RUFY3: variants seen among roughly 807,000 people sequenced by gnomAD.
RUFY3 encodes protein RUFY3.
In RUFY3, 34 loss-of-function variants were observed where a neutral mutation model predicts 84.0. The observed-to-expected ratio is 0.40, with a 90% CI of 0.31 to 0.54. The LOEUF is 0.54. RUFY3 is among the 20% of genes least tolerant of loss of function. The pLI, the probability that RUFY3 is intolerant of heterozygous loss-of-function variation, is 0.39. For missense variants in RUFY3, 507 were observed against 736.8 expected, an observed-to-expected ratio of 0.69 and a Z score of 3.61; for synonymous variants, 242 against 252.9, an observed-to-expected ratio of 0.96 and a Z score of 0.41.
Position 70,793,822 on chromosome 4 carries a change from T to TCAAA in RUFY3, c.1375_1376insCAAA (p.Leu459SerfsTer33). 4 of 1,614,112 alleles carry TCAAA rather than the reference T, an allele frequency of 2.5e-6. No homozygotes were observed. The highest frequency in any genetic ancestry group is 1.7e-6 in the Non-Finnish European group (2 of 1,180,010). ...TGAGCGAAGCCGCCAATCTGCTGAG[T>TCAAA]TGGACAACCGGCTCTTCAAACAGGA... On this transcript the variant is annotated frameshift_variant, in exon 13 of 18. Coordinates refer to ENST00000381006, the MANE Select transcript of RUFY3 (RefSeq NM_001037442.4). LOFTEE classifies it high-confidence loss of function.
At chr4:70,705,182 G>A (rs1250936240) in exon 1 of RUFY3, 5 of 1,461,750 alleles carry the variant, frequency 3.4e-6, no homozygotes, top group African/African-American at 1.5e-5. Flanking sequence ...TGCGCCCGCC[G>A]CCGCAGCAGC....
At chr4:70,731,851 G>A (rs12499200) in intron 1 of RUFY3, among the ~76,000 whole-genome samples, 4,629 of 152,312 alleles carry the variant, frequency 0.03, 263 homozygotes, top group Admixed American at 0.15. Context: ...ACAGGCATGA[G>A]CCACCGCACT....
chr4:70,760,603 A>C (rs1047699901), intron 1 of RUFY3, among the ~76,000 whole-genome samples: 2 of 152,086 alleles, frequency 1.3e-5, no homozygotes, highest in Non-Finnish European at 2.9e-5. Context: ...TAGAATGTAC[A>C]TACATGCTGG....
chr4:70,745,543 G>T (rs1722060310), intron 1 of RUFY3, among the ~76,000 whole-genome samples: 1 of 152,082 alleles, frequency 6.6e-6, no homozygotes, highest in Non-Finnish European at 1.5e-5. Context: ...TTGTAAATTT[G>T]CAGTGGCCCA....
intron 4 of RUFY3, among the ~76,000 whole-genome samples, chr4:70,766,960 T>C (rs932462653): frequency 1.3e-5 from 2 of 152,234 alleles, no homozygotes; most frequent in Admixed American, 6.5e-5. Flanking sequence ...AGGGGTTTAC[T>C]GTCTCTGTGG....
chr4:70,781,192 T>C (rs34026245), intron 8 of RUFY3, among the ~76,000 whole-genome samples: 17,068 of 151,858 alleles, frequency 0.11, 1,355 homozygotes, highest in Non-Finnish European at 0.18. Flanking sequence ...AAGATATAAA[T>C]ATCCACTTCA....
At chr4:70,762,388 G>A in intron 1 of RUFY3, 131 bp from the exon 2 acceptor site, 1 of 718,016 alleles carries the variant, frequency 1.4e-6, no homozygotes, top group South Asian at 2.0e-5. Flanking sequence ...GCTTCATTGA[G>A]GATATTCTTA....
chr4:70,773,857 G>A (rs1247301831), intron 6 of RUFY3, among the ~76,000 whole-genome samples: 1 of 152,080 alleles, frequency 6.6e-6, no homozygotes, highest in Non-Finnish European at 1.5e-5. Flanking sequence ...TCTTATAGTA[G>A]GGTTTAAAAA....
chr4:70,757,424 G>A (rs1724217177), intron 1 of RUFY3, among the ~76,000 whole-genome samples: 1 of 152,086 alleles, frequency 6.6e-6, no homozygotes, highest in African/African-American at 2.4e-5. Context: ...GACCAATATG[G>A]TGAGACCCTG....
At chr4:70,792,620 GCTTTGCAGCATTT>G (rs1730996790) in intron 12 of RUFY3, 1 of 985,228 alleles carries the variant, frequency 1.0e-6, no homozygotes, top group African/African-American at 1.7e-5. Flanking sequence ...ATTCTGGTAT[GCTTTGCAGCATTT>G]CAGCTGCTTT....
At chr4:70,729,432 A>G (rs561837136) in intron 1 of RUFY3, among the ~76,000 whole-genome samples, 23 of 151,996 alleles carry the variant, frequency 1.5e-4, no homozygotes, top group Non-Finnish European at 2.5e-4. Flanking sequence ...AATTTTTTGT[A>G]TTTTTAGTAG....
chr4:70,778,337 A>G (rs772234776), intron 7 of RUFY3, 32 bp from the exon 8 acceptor site: 1 of 1,268,986 alleles, frequency 7.9e-7, no homozygotes, highest in South Asian at 1.2e-5. Flanking sequence ...CTGTTTTTCA[A>G]AAGTGACTTT....
At chr4:70,748,632 A>G (rs1328299343) in intron 1 of RUFY3, among the ~76,000 whole-genome samples, 2 of 152,182 alleles carry the variant, frequency 1.3e-5, no homozygotes, top group Admixed American at 1.3e-4. Context: ...TTTATTACTC[A>G]TGACAGTGCA....
chr4:70,730,993 G>C (rs1360512053), intron 1 of RUFY3, among the ~76,000 whole-genome samples: 1 of 151,816 alleles, frequency 6.6e-6, no homozygotes, highest in African/African-American at 2.4e-5. Flanking sequence ...TCAGCATGCA[G>C]ATAAGGCCAA....
At chr4:70,780,247 G>T (rs2148764638) in intron 8 of RUFY3, among the ~76,000 whole-genome samples, 1 of 152,112 alleles carries the variant, frequency 6.6e-6, no homozygotes, top group East Asian at 1.9e-4. Context: ...TCATGTCCTG[G>T]CTCTGGCACT....
upstream of RUFY3, among the ~76,000 whole-genome samples, chr4:70,719,095 C>A (rs1482202408): frequency 6.6e-6 from 1 of 152,172 alleles, no homozygotes; most frequent in South Asian, 2.1e-4. Context: ...GATAACTGTT[C>A]GTGCTGAAGA....
chr4:70,794,134 G>A (rs1731216761), intron 13 of RUFY3, among the ~76,000 whole-genome samples: 1 of 152,148 alleles, frequency 6.6e-6, no homozygotes, highest in Non-Finnish European at 1.5e-5. Context: ...CAGATAAATA[G>A]TAATTATTAG....
intron 5 of RUFY3, 121 bp from the exon 6 acceptor site, chr4:70,773,390 C>G (rs934078184): frequency 9.4e-6 from 6 of 640,604 alleles, no homozygotes; most frequent in Non-Finnish European, 1.4e-5. Context: ...CATTTTTAAT[C>G]GTAAATTTCT....
intron 6 of RUFY3, among the ~76,000 whole-genome samples, chr4:70,774,635 AAAAAAAAAAATATATATATAT>A: frequency 8.0e-6 from 1 of 125,344 alleles, no homozygotes; most frequent in African/African-American, 3.6e-5. Context: ...AAAAAAAAAA[AAAAAAAAAAATATATATATAT>A]ATATATATAT....
Sources: gnomAD v4.1 joint callset for allele counts (sites outside exome capture counted in the v4.1 genomes callset) on GRCh38, gnomAD v4.1.1 for gene constraint, MANE v1.5 for transcripts, NCBI Gene and HGNC (gene_info 2026-07-23, HGNC 2026-07-21) for gene names.